The following NSMCE2 variants were observed in gnomAD, a reference collection of about 807,000 sequenced individuals.
NSMCE2 encodes NSE2 SUMO ligase component of SMC5/6 complex.
A neutral mutation model predicts 23.8 loss-of-function variants in NSMCE2; 24 were observed. The observed-to-expected ratio is 1.01, with a 90% CI of 0.73 to 1.42. The LOEUF (loss-of-function observed/expected upper bound fraction) is 1.42. Among genes scored for constraint, NSMCE2 ranks in the 40% most tolerant of loss-of-function variants. The probability of loss-of-function intolerance (pLI) is 0.00; values close to 1 mark genes in which losing one functional copy is unlikely to be tolerated. For synonymous variants in NSMCE2, 92 were observed against 94.1 expected (o/e 0.98, Z 0.13); for missense variants, 284 against 296.5 (o/e 0.96, Z 0.31).
intron 5 of NSMCE2, among the ~76,000 whole-genome samples, chr8:125,184,738 T>C (rs543487854): frequency 3.3e-5 from 5 of 152,254 alleles, no homozygotes; most frequent in African/African-American, 1.2e-4. Flanking sequence ...CCATGTCTAG[T>C]GGATTTTCTT....
At chr8:125,149,474 T>C (rs777076666) in intron 3 of NSMCE2, among the ~76,000 whole-genome samples, 10 of 152,222 alleles carry the variant, frequency 6.6e-5, no homozygotes, top group Non-Finnish European at 1.5e-4. Context: ...TTGAGTAGGT[T>C]CATTCCCAAA....
rs898275544 is a variant in NSMCE2, at chr8:125,112,279, C to A, written c.157+9792C>A. Among the ~76,000 whole-genome samples, 4 of 152,092 alleles carry A rather than the reference C, an allele frequency of 2.6e-5. No homozygotes were observed. In the East Asian group the frequency reaches 7.7e-4, roughly 29 times the overall value. On this transcript the variant is annotated intron_variant, in intron 3 of 7. Coordinates refer to ENST00000287437, the MANE Select transcript of NSMCE2 (RefSeq NM_173685.4). ...ACCAGGATGTAGAGAAAAGGGAAAC[C>A]CTTGTGTATTGTTGGTGCGAATGTA...
At chr8:125,277,016 A>G (rs146646374) in intron 5 of NSMCE2, among the ~76,000 whole-genome samples, 50 of 152,252 alleles carry the variant, frequency 3.3e-4, no homozygotes, top group African/African-American at 1.1e-3. Flanking sequence ...GGCGCATGAG[A>G]TCTTTCTTAC....
chr8:125,328,602 A>G (rs909146188), intron 5 of NSMCE2, among the ~76,000 whole-genome samples: 1 of 152,180 alleles, frequency 6.6e-6, no homozygotes, highest in Non-Finnish European at 1.5e-5. Context: ...GGGATTTTCA[A>G]AAATGTGGTC....
At chr8:125,103,261 G>A (rs1400935082) in intron 3 of NSMCE2, among the ~76,000 whole-genome samples, 2 of 151,816 alleles carry the variant, frequency 1.3e-5, no homozygotes, top group East Asian at 1.9e-4. Flanking sequence ...AGTCGAGACC[G>A]AGCCACTGCA....
chr8:125,261,727 G>A (rs939614086), intron 5 of NSMCE2, among the ~76,000 whole-genome samples: 3 of 150,742 alleles, frequency 2.0e-5, no homozygotes, highest in Non-Finnish European at 4.4e-5. Context: ...TTGGTTAAAA[G>A]CTAATCATGT....
At chr8:125,220,608 T>C (rs1824808339) in intron 5 of NSMCE2, among the ~76,000 whole-genome samples, 1 of 151,894 alleles carries the variant, frequency 6.6e-6, no homozygotes, top group Non-Finnish European at 1.5e-5. Flanking sequence ...AAAATGACTC[T>C]TTCAGAAGGA....
intron 3 of NSMCE2, among the ~76,000 whole-genome samples, chr8:125,111,629 A>G (rs1019481787): frequency 6.6e-6 from 1 of 152,114 alleles, no homozygotes; most frequent in Non-Finnish European, 1.5e-5. Context: ...GTGAAACCCC[A>G]TCTCTACCAA....
chr8:125,352,300 A>G (rs1303658909), intron 5 of NSMCE2, among the ~76,000 whole-genome samples: 1 of 152,046 alleles, frequency 6.6e-6, no homozygotes, highest in Non-Finnish European at 1.5e-5. Flanking sequence ...CAACATGGAG[A>G]AACCCCGTCT....
chr8:125,150,422 CTTTCTTTTTTTTTT>C (rs1820934800), intron 3 of NSMCE2, among the ~76,000 whole-genome samples: 2 of 93,942 alleles, frequency 2.1e-5, no homozygotes, highest in South Asian at 7.0e-4. Flanking sequence ...TCTTTTCTTT[CTTTCTTTTTTTTTT>C]TTTTTTTTTT....
At chr8:125,243,608 AATG>A (rs764259081) in intron 5 of NSMCE2, among the ~76,000 whole-genome samples, 18 of 152,210 alleles carry the variant, frequency 1.2e-4, no homozygotes, top group Admixed American at 3.3e-4. Flanking sequence ...AATAGAAAGT[AATG>A]ATGATTCACT....
intron 5 of NSMCE2, among the ~76,000 whole-genome samples, chr8:125,248,104 G>T (rs1469907394): frequency 1.3e-5 from 2 of 152,064 alleles, no homozygotes; most frequent in Non-Finnish European, 2.9e-5. Context: ...TTATACTTTA[G>T]ATTTAAATAT....
intron 5 of NSMCE2, among the ~76,000 whole-genome samples, chr8:125,356,433 A>T (rs1293986720): frequency 6.8e-6 from 1 of 146,796 alleles, no homozygotes; most frequent in East Asian, 2.0e-4. Flanking sequence ...GGTTCAAGCG[A>T]TTCTCCTGCC....
At chr8:125,313,175 AGAAG>A (rs1334158626) in intron 5 of NSMCE2, among the ~76,000 whole-genome samples, 1 of 150,662 alleles carries the variant, frequency 6.6e-6, no homozygotes, top group Non-Finnish European at 1.5e-5. Context: ...AAGGAAGGAA[AGAAG>A]GAAGGAGAAA....
intron 4 of NSMCE2, among the ~76,000 whole-genome samples, chr8:125,167,387 C>T (rs1821942210): frequency 6.6e-6 from 1 of 152,118 alleles, no homozygotes; most frequent in Non-Finnish European, 1.5e-5. Flanking sequence ...AAAGTCAAGG[C>T]CCGGCATGGT....
At position 125,135,868 on chromosome 8, in the gene NSMCE2, G is replaced by A. The variant is rs544200173; in HGVS notation, c.158-15303G>A. ...GTCCTCCATTGTTGTCTTTTTCAAG[G>A]TTGTTTTGGCTATTCTAGGTCCTTT... On this transcript the variant is annotated intron_variant, in intron 3 of 7. Transcript: ENST00000287437. Among the ~76,000 whole-genome samples the A allele has an allele frequency of 1.1e-4, 17 of 152,210 alleles. No individual in the cohort carries two copies. In the South Asian group the frequency reaches 3.5e-3, roughly 32 times the overall value.
At chr8:125,109,384 C>T (rs1020728094) in intron 3 of NSMCE2, among the ~76,000 whole-genome samples, 2 of 152,002 alleles carry the variant, frequency 1.3e-5, no homozygotes, top group African/African-American at 4.8e-5. Context: ...TTGAGTTGAC[C>T]GGTGGGTGTG....
rs11403131 is a variant in NSMCE2 at position 125,286,774 on chromosome 8, C to CAAA, written c.419-70428_419-70426dup. On this transcript the variant is annotated intron_variant, in intron 5 of 7. Transcript: ENST00000287437. ...TAGATGAAGAAACTGAAGCCTAGAGCAAAAAAAAAAAAAAAAAAATTGCCC... is the reference window on the plus strand; with the variant it reads ...TAGATGAAGAAACTGAAGCCTAGAGCAAAAAAAAAAAAAAAAAAAAAATTGCCC... Among the ~76,000 whole-genome samples the CAAA allele has an allele frequency of 8.7e-4, 114 of 131,542 alleles. 1 individual carries two copies. Among genetic ancestry groups the CAAA allele is most frequent in the South Asian group, 2.2e-3 (9 of 4,016 alleles). 86.3% of individuals were successfully genotyped at this position (131,542 alleles called of 152,430 possible).
intron 4 of NSMCE2, among the ~76,000 whole-genome samples, chr8:125,175,298 A>C (rs1822429135): frequency 6.6e-6 from 1 of 152,178 alleles, no homozygotes; most frequent in African/African-American, 2.4e-5. Flanking sequence ...TTGTTGAATG[A>C]ATGTTCTAGG....
Sources: gnomAD v4.1 joint callset for allele counts (sites outside exome capture counted in the v4.1 genomes callset) on GRCh38, gnomAD v4.1.1 for gene constraint, MANE v1.5 for transcripts, NCBI Gene and HGNC (gene_info 2026-07-23, HGNC 2026-07-21) for gene names.